The following ATF7 variants were observed in gnomAD, a reference collection of about 807,000 sequenced individuals.
ATF7 encodes cyclic AMP-dependent transcription factor ATF-7.
A neutral mutation model predicts 50.4 loss-of-function variants in ATF7; 10 were observed. That is an observed-to-expected ratio of 0.20 (90% confidence interval 0.12 to 0.34). The LOEUF (loss-of-function observed/expected upper bound fraction) is 0.34. Among genes scored for constraint, ATF7 ranks in the 10% least tolerant of loss-of-function variants. The probability of loss-of-function intolerance (pLI) is 1.00; values close to 1 mark genes in which losing one functional copy is unlikely to be tolerated. For synonymous variants in ATF7, 201 were observed against 226.4 expected (o/e 0.89, Z 1.01); for missense variants, 465 against 613.9 (o/e 0.76, Z 2.56).
intron 2 of ATF7, among the ~76,000 whole-genome samples, chr12:53,588,881 A>T (rs1290417746): frequency 6.6e-6 from 1 of 152,226 alleles, no homozygotes; most frequent in African/African-American, 2.4e-5. Context: ...ATTGTAGACT[A>T]GGGCTGAGGC....
intron 1 of ATF7, among the ~76,000 whole-genome samples, chr12:53,620,575 C>CAAAA (rs34516346): frequency 4.0e-5 from 3 of 75,764 alleles, no homozygotes; most frequent in African/African-American, 5.5e-5. Flanking sequence ...GACTCCGTCT[C>CAAAA]AAAAAAAAAA....
At chr12:53,591,136 C>T (rs989599370) in intron 2 of ATF7, among the ~76,000 whole-genome samples, 3 of 152,020 alleles carry the variant, frequency 2.0e-5, no homozygotes, top group African/African-American at 7.2e-5. Context: ...AGGAGGTATA[C>T]GGGAACTCTA....
rs992927716 is a variant in ATF7 at position 53,516,843 on chromosome 12, T to C, written c.*294A>G. 3.2e-5 allele frequency: 13 copies of C among 404,234 alleles called. No individual in the cohort carries two copies. The highest frequency in any genetic ancestry group is 6.0e-5 in the Non-Finnish European group (13 of 217,440). The allele number at this position is 404,234 out of a possible 1,614,324, so 25.0% of individuals were successfully genotyped here. A position where few individuals can be genotyped will look rare whatever the true frequency, so the allele number is the denominator to read the frequency against. On this transcript the variant is annotated 3_prime_UTR_variant, in exon 12 of 12. Transcript: ENST00000420353. ...GTTAAAAGAGACAGATACACGTGCA[T>C]GGGGCAGGGGTGATTGTTCGGACCA...
At chr12:53,586,341 A>G (rs913624996) in intron 2 of ATF7, among the ~76,000 whole-genome samples, 18 of 152,298 alleles carry the variant, frequency 1.2e-4, no homozygotes, top group African/African-American at 4.3e-4. Flanking sequence ...ACTGAAGTAA[A>G]ATGACAAATG....
rs551449152 is a variant in ATF7 at position 53,582,009 on chromosome 12, G to A, written c.48+18944C>T. 2.0e-5 allele frequency among the ~76,000 whole-genome samples: 3 copies of A among 151,374 alleles called. No homozygotes were observed. In the East Asian group the frequency reaches 5.9e-4, roughly 30 times the overall value. On this transcript the variant is annotated intron_variant, in intron 2 of 11. Coordinates refer to ENST00000420353, the MANE Select transcript of ATF7 (RefSeq NM_006856.3). ...ATGGTGGTGCTCAGGAGGCTGAGGC[G>A]GGAAAATCATTTGAACTGAGGAGTC...
At chr12:53,572,361 C>T (rs1349094204) in intron 2 of ATF7, among the ~76,000 whole-genome samples, 1 of 152,162 alleles carries the variant, frequency 6.6e-6, no homozygotes, top group Non-Finnish European at 1.5e-5. Flanking sequence ...ACCTGCATGA[C>T]AATCAAGTGC....
At chr12:53,553,248 A>G (rs897219639) in intron 2 of ATF7, among the ~76,000 whole-genome samples, 1 of 152,242 alleles carries the variant, frequency 6.6e-6, no homozygotes, top group Non-Finnish European at 1.5e-5. Context: ...CAATAATGGC[A>G]CATACCAGCC....
At chr12:53,527,003 A>G (rs1013612760) in intron 9 of ATF7, among the ~76,000 whole-genome samples, 10 of 151,746 alleles carry the variant, frequency 6.6e-5, no homozygotes, top group Non-Finnish European at 1.3e-4. Flanking sequence ...TACTAAAAAT[A>G]CAAAAATTAG....
chr12:53,593,728 GAAATAAAT>G (rs1239056158), intron 2 of ATF7, among the ~76,000 whole-genome samples: 1 of 152,136 alleles, frequency 6.6e-6, no homozygotes, highest in Non-Finnish European at 1.5e-5. Context: ...AATTTTTTTA[GAAATAAAT>G]CTATGACAAG....
chr12:53,542,477 A>G (rs1209213049), intron 4 of ATF7, among the ~76,000 whole-genome samples: 2 of 151,474 alleles, frequency 1.3e-5, no homozygotes, highest in Non-Finnish European at 1.5e-5. Context: ...CCCAGGCTGG[A>G]GCACAGTGGT....
chr12:53,549,529 A>C (rs1472215390), intron 3 of ATF7, among the ~76,000 whole-genome samples: 1 of 151,868 alleles, frequency 6.6e-6, no homozygotes, highest in African/African-American at 2.4e-5. Context: ...TCAGCCTCCC[A>C]AGTATCTGGG....
chr12:53,579,490 T>C, intron 2 of ATF7, among the ~76,000 whole-genome samples: 1 of 149,788 alleles, frequency 6.7e-6, no homozygotes, highest in East Asian at 2.0e-4. Context: ...AGGCAGAGGC[T>C]GCTGTGAGCT....
rs1163007964 is a variant in ATF7 at position 53,523,415 on chromosome 12, G to A, written c.1126-31C>T. 5 of 1,513,450 alleles carry A rather than the reference G, an allele frequency of 3.3e-6. No homozygotes were observed. In the African/African-American group the frequency reaches 4.1e-5, roughly 12 times the overall value. 93.8% of individuals were successfully genotyped at this position (1,513,450 alleles called of 1,614,324 possible). On this transcript the variant is annotated intron_variant, in intron 10 of 11. Coordinates refer to ENST00000420353, the MANE Select transcript of ATF7 (RefSeq NM_006856.3). ...GAGGGAGGGAAGAAAAGAGTATCAA[G>A]AAAATTCATCCTCTACTCTTGCACC...
At chr12:53,601,979 T>C (rs1312110876) in intron 1 of ATF7, among the ~76,000 whole-genome samples, 2 of 152,210 alleles carry the variant, frequency 1.3e-5, no homozygotes, top group African/African-American at 4.8e-5. Context: ...AATTCCAATC[T>C]GAATGTGTGG....
At chr12:53,519,948 G>A (rs996948297) in intron 11 of ATF7, among the ~76,000 whole-genome samples, 6 of 151,898 alleles carry the variant, frequency 4.0e-5, no homozygotes, top group East Asian at 3.9e-4. Flanking sequence ...GGGTTTCACC[G>A]TGTTAGCCAG....
At chr12:53,552,114 C>T (rs1490671424) in intron 3 of ATF7, among the ~76,000 whole-genome samples, 1 of 152,156 alleles carries the variant, frequency 6.6e-6, no homozygotes, top group African/African-American at 2.4e-5. Context: ...TGACAATCTG[C>T]CTGCTGGAGG....
intron 2 of ATF7, among the ~76,000 whole-genome samples, chr12:53,554,870 G>GAAA (rs61675595): frequency 0.053 from 4,036 of 76,020 alleles, 364 homozygotes; most frequent in Non-Finnish European, 0.059. Context: ...CTCAAAAAAA[G>GAAA]AAAAAAAAAA....
At chr12:53,591,035 T>A (rs1942917004) in intron 2 of ATF7, among the ~76,000 whole-genome samples, 1 of 152,180 alleles carries the variant, frequency 6.6e-6, no homozygotes, top group Non-Finnish European at 1.5e-5. Context: ...TTAATAATAA[T>A]GTATTAATAT....
intron 2 of ATF7, 115 bp downstream of exon 2, chr12:53,600,838 C>A: frequency 1.0e-6 from 1 of 993,274 alleles, no homozygotes; most frequent in East Asian, 2.6e-5. Flanking sequence ...ATCCTCTGAT[C>A]TGATTACCTC....
Sources: allele counts gnomAD v4.1 joint callset (sites outside exome capture counted in the v4.1 genomes callset), GRCh38; gene constraint gnomAD v4.1.1; transcripts MANE v1.5; gene names NCBI Gene and HGNC (gene_info 2026-07-23, HGNC 2026-07-21).